FAM131C: variants seen among roughly 807,000 people sequenced by gnomAD.
FAM131C encodes protein FAM131C.
In FAM131C, 14 loss-of-function variants were observed where a neutral mutation model predicts 29.8. The ratio of observed to expected loss-of-function variants is 0.47; its 90% CI spans 0.31 to 0.73. The LOEUF (loss-of-function observed/expected upper bound fraction) is 0.73, where lower values mean the gene tolerates loss of function less well. Among genes scored for constraint, FAM131C ranks in the 30% least tolerant of loss-of-function variants. The pLI is 0.05. For missense variants in FAM131C, 252 were observed against 383.8 expected, an observed-to-expected ratio of 0.66 and a Z score of 2.87; for synonymous variants, 86 against 157.8, an observed-to-expected ratio of 0.54 and a Z score of 3.41.
At chr1:16,061,075 C>T (rs902874375) in intron 4 of FAM131C, among the ~76,000 whole-genome samples, 1 of 151,994 alleles carries the variant, frequency 6.6e-6, no homozygotes, top group Non-Finnish European at 1.5e-5. Flanking sequence ...CACCCGGGTC[C>T]CCGAAGCCAT....
intron 1 of FAM131C, among the ~76,000 whole-genome samples, chr1:16,066,386 G>C (rs555827094): frequency 6.6e-6 from 1 of 152,198 alleles, no homozygotes; most frequent in African/African-American, 2.4e-5. Context: ...GGGGCAGCAC[G>C]GGATCCTGTG....
intron 6 of FAM131C, 23 bp downstream of exon 6, chr1:16,059,451 TCCACTCTGCCCACCCCCGCC>T: frequency 1.3e-6 from 2 of 1,595,166 alleles, no homozygotes; most frequent in Non-Finnish European, 1.7e-6. Context: ...CAGAATCAGC[TCCACTCTGCCCACCCCCGCC>T]CCCTGGACCC....
intron 1 of FAM131C, among the ~76,000 whole-genome samples, chr1:16,066,967 GA>G (rs1184095664): frequency 6.6e-6 from 1 of 152,198 alleles, no homozygotes; most frequent in Non-Finnish European, 1.5e-5. Flanking sequence ...GCCATCCCCT[GA>G]AGCTTTTTTA....
intron 1 of FAM131C, among the ~76,000 whole-genome samples, chr1:16,068,861 A>T (rs2023715366): frequency 6.6e-6 from 1 of 151,966 alleles, no homozygotes; most frequent in African/African-American, 2.4e-5. Flanking sequence ...CCCACAAGCA[A>T]CCTGCCCAGA....
At chr1:16,071,076 C>T (rs969536232) in intron 1 of FAM131C, among the ~76,000 whole-genome samples, 3 of 152,246 alleles carry the variant, frequency 2.0e-5, no homozygotes, top group African/African-American at 7.2e-5. Context: ...GGTGGACGCA[C>T]TCCCTCCACC....
intron 1 of FAM131C, among the ~76,000 whole-genome samples, chr1:16,070,970 G>A (rs11579349): frequency 6.6e-6 from 1 of 152,262 alleles, no homozygotes; most frequent in East Asian, 1.9e-4. Flanking sequence ...GCCTGACCTA[G>A]GTTTTGGGGT....
intron 1 of FAM131C, among the ~76,000 whole-genome samples, chr1:16,072,339 G>A (rs2023760579): frequency 6.6e-6 from 1 of 152,206 alleles, no homozygotes; most frequent in Admixed American, 6.5e-5. Context: ...GAGTCCAGAG[G>A]ATGGGGGAAG....
intron 4 of FAM131C, 107 bp downstream of exon 4, chr1:16,061,992 G>A: frequency 1.0e-6 from 1 of 1,001,296 alleles, no homozygotes; most frequent in South Asian, 1.6e-5. Flanking sequence ...GAATCCAATA[G>A]GGCTGCCATC....
chr1:16,062,448 C>T (rs1210634821), intron 3 of FAM131C, 51 bp downstream of exon 3: 3 of 1,471,488 alleles, frequency 2.0e-6, no homozygotes, highest in Non-Finnish European at 2.7e-6. Flanking sequence ...GATGGAGGGG[C>T]CGTGGTGTCA....
At chr1:16,072,140 C>G (rs1354916188) in intron 1 of FAM131C, among the ~76,000 whole-genome samples, 1 of 152,202 alleles carries the variant, frequency 6.6e-6, no homozygotes, top group Non-Finnish European at 1.5e-5. Context: ...GCCCAGCATG[C>G]ACACGGTGCC....
At chr1:16,070,896 C>T (rs2023741381) in intron 1 of FAM131C, among the ~76,000 whole-genome samples, 1 of 152,254 alleles carries the variant, frequency 6.6e-6, no homozygotes, top group Non-Finnish European at 1.5e-5. Context: ...CTCCTAGCCT[C>T]TCTACCAACT....
In FAM131C at chr1:16,061,170, C is replaced by T. The variant is rs546191225; in HGVS notation, c.268+929G>A. Among the ~76,000 whole-genome samples, 7 of 152,016 alleles carry T rather than the reference C, an allele frequency of 4.6e-5. No individual in the cohort carries two copies. In the East Asian group the frequency reaches 7.7e-4, roughly 17 times the overall value. On this transcript the variant is annotated intron_variant, in intron 4 of 6. Transcript: ENST00000375662. Reference sequence around the variant, plus strand: ...GGGGAAAATGGGAAAGATGGGGGTACGGAAGAAAGGGGAGACTCTCCCTCC... The same window carrying T: ...GGGGAAAATGGGAAAGATGGGGGTATGGAAGAAAGGGGAGACTCTCCCTCC...
intron 1 of FAM131C, among the ~76,000 whole-genome samples, chr1:16,064,606 C>G (rs2023652131): frequency 6.6e-6 from 1 of 152,164 alleles, no homozygotes; most frequent in Non-Finnish European, 1.5e-5. Context: ...TCCTCTGTCC[C>G]CTTTACCACT....
intron 1 of FAM131C, among the ~76,000 whole-genome samples, chr1:16,067,473 G>T (rs1402836459): frequency 2.0e-5 from 3 of 152,116 alleles, no homozygotes; most frequent in Non-Finnish European, 4.4e-5. Flanking sequence ...TGACCTCAAG[G>T]TCAGAATTCC....
chr1:16,062,904 C>T (rs1232015776), intron 2 of FAM131C, among the ~76,000 whole-genome samples: 2 of 152,130 alleles, frequency 1.3e-5, no homozygotes, highest in Non-Finnish European at 2.9e-5. Context: ...GCCTAAATAA[C>T]ATAACGGAGG....
At chr1:16,061,567 G>T (rs1167504200) in intron 4 of FAM131C, among the ~76,000 whole-genome samples, 1 of 152,162 alleles carries the variant, frequency 6.6e-6, no homozygotes, top group Non-Finnish European at 1.5e-5. Flanking sequence ...TCAGCAATGG[G>T]GGAATATAAA....
At chr1:16,059,681 C>G (rs947884017) in intron 5 of FAM131C, 77 bp from the exon 6 acceptor site, 45 of 1,112,266 alleles carry the variant, frequency 4.0e-5, no homozygotes, top group Non-Finnish European at 5.1e-5. Context: ...TGCTCCAGGA[C>G]AGGCGGGAGG....
At chr1:16,067,919 G>A (rs906608043) in intron 1 of FAM131C, among the ~76,000 whole-genome samples, 1 of 152,196 alleles carries the variant, frequency 6.6e-6, no homozygotes, top group Non-Finnish European at 1.5e-5. Flanking sequence ...TACCCCAAGA[G>A]TGCCTCCCAG....
intron 3 of FAM131C, 113 bp downstream of exon 3, chr1:16,062,386 C>CCCA (rs2023612651): frequency 8.4e-7 from 1 of 1,190,652 alleles, no homozygotes; most frequent in Admixed American, 2.8e-5. Flanking sequence ...TCAGGCCCCC[C>CCCA]CCCCCCCCGC....
Sources: allele counts gnomAD v4.1 joint callset (sites outside exome capture counted in the v4.1 genomes callset), GRCh38; gene constraint gnomAD v4.1.1; transcripts MANE v1.5; gene names NCBI Gene and HGNC (gene_info 2026-07-23, HGNC 2026-07-21).